Variants in IQCM observed in about 807,000 individuals in gnomAD.
IQCM encodes IQ domain-containing protein M.
In IQCM, 45 loss-of-function variants were observed where a neutral mutation model predicts 57.6. The ratio of observed to expected loss-of-function variants is 0.78; its 90% CI spans 0.62 to 1.00. IQCM has a LOEUF of 1.00. Ranked by LOEUF, IQCM falls within the 50% of genes least tolerant of loss-of-function variation. The pLI is 0.00. For missense variants in IQCM, 468 were observed against 511.6 expected, an observed-to-expected ratio of 0.91 and a Z score of 0.82; for synonymous variants, 148 against 158.9, an observed-to-expected ratio of 0.93 and a Z score of 0.51.
At chr4:149,419,284 A>T (rs1329001796) in intron 13 of IQCM, among the ~76,000 whole-genome samples, 3 of 152,076 alleles carry the variant, frequency 2.0e-5, no homozygotes, top group Non-Finnish European at 4.4e-5. Flanking sequence ...GTACTTGTAT[A>T]AAAACAGACA....
chr4:149,647,426 T>G (rs1480505118), intron 7 of IQCM, among the ~76,000 whole-genome samples: 1 of 152,084 alleles, frequency 6.6e-6, no homozygotes, highest in Non-Finnish European at 1.5e-5. Flanking sequence ...ATTTATCTAC[T>G]TTGTCTTTAT....
At chr4:149,727,360 A>G (rs1766044488) in intron 5 of IQCM, among the ~76,000 whole-genome samples, 1 of 152,116 alleles carries the variant, frequency 6.6e-6, no homozygotes, top group Non-Finnish European at 1.5e-5. Context: ...CTTCCAGTTC[A>G]TCAGGACTAA....
chr4:149,553,602 G>A (rs112929352), intron 10 of IQCM, among the ~76,000 whole-genome samples: 6 of 152,256 alleles, frequency 3.9e-5, no homozygotes, highest in African/African-American at 1.4e-4. Context: ...TGCCAGAAAC[G>A]ATGTAGTCTT....
chr4:149,473,680 G>T (rs1468685021), intron 12 of IQCM, among the ~76,000 whole-genome samples: 1 of 152,184 alleles, frequency 6.6e-6, no homozygotes, highest in Non-Finnish European at 1.5e-5. Flanking sequence ...GCACATGTAC[G>T]TTTATTATGG....
At position 149,789,035 on chromosome 4, in the gene IQCM, T is replaced by C. The variant is rs533342587; in HGVS notation, c.-49+26276A>G. 1.1e-4 allele frequency among the ~76,000 whole-genome samples: 17 copies of C among 152,270 alleles called. No homozygotes were observed. The South Asian group carries it at 3.1e-3, about 28-fold the overall frequency. On this transcript the variant is annotated intron_variant, in intron 2 of 13. Coordinates refer to ENST00000636793, the MANE Select transcript of IQCM (RefSeq NM_001363507.2). ...GAGGAGATGAAGAGAGGCTGGTTAA[T>C]GGGTACAAACATGCAGCTAGATAGA...
chr4:149,550,099 C>T (rs1212369609), intron 11 of IQCM, among the ~76,000 whole-genome samples: 1 of 152,258 alleles, frequency 6.6e-6, no homozygotes, highest in African/African-American at 2.4e-5. Flanking sequence ...CCTAAGGGCT[C>T]CCTCTGGCTA....
chr4:149,478,045 G>A (rs1012700827), intron 12 of IQCM, among the ~76,000 whole-genome samples: 73 of 152,238 alleles, frequency 4.8e-4, no homozygotes, highest in African/African-American at 1.7e-3. Context: ...ATCTCATGGG[G>A]TTGTTTTGTG....
chr4:149,707,529 G>A (rs1228365408), intron 5 of IQCM, among the ~76,000 whole-genome samples: 1 of 151,900 alleles, frequency 6.6e-6, no homozygotes, highest in Non-Finnish European at 1.5e-5. Context: ...CTTGAGGAAT[G>A]AAGTAACATC....
chr4:149,692,485 T>C (rs1457955723), intron 5 of IQCM, among the ~76,000 whole-genome samples: 1 of 152,172 alleles, frequency 6.6e-6, no homozygotes, highest in East Asian at 1.9e-4. Flanking sequence ...GAAAAAGATA[T>C]GTCTATTTTA....
intron 8 of IQCM, among the ~76,000 whole-genome samples, chr4:149,590,247 C>CTTTTTTTTTTTTTTTTTTTTTTTTTTT (rs71596214): frequency 1.1e-4 from 8 of 73,608 alleles, no homozygotes; most frequent in African/African-American, 2.2e-4. Flanking sequence ...TTTTTCTTTC[C>CTTTTTTTTTTTTTTTTTTTTTTTTTTT]TTTTTTTTTT....
At chr4:149,708,119 C>T (rs985751306) in intron 5 of IQCM, among the ~76,000 whole-genome samples, 1 of 151,988 alleles carries the variant, frequency 6.6e-6, no homozygotes, top group Non-Finnish European at 1.5e-5. Context: ...TTTATCTTCA[C>T]ACAGTCAGAA....
At chr4:149,463,260 A>G (rs1738499958) in intron 12 of IQCM, among the ~76,000 whole-genome samples, 1 of 152,202 alleles carries the variant, frequency 6.6e-6, no homozygotes, top group Non-Finnish European at 1.5e-5. Context: ...ATAAACAAGA[A>G]GAGTGCAGCT....
chr4:149,639,818 A>G (rs764414396), intron 7 of IQCM, among the ~76,000 whole-genome samples: 2 of 152,182 alleles, frequency 1.3e-5, no homozygotes, highest in East Asian at 3.9e-4. Flanking sequence ...AGTCCCAGCT[A>G]CTTGGAAGGC....
At chr4:149,569,152 C>G in intron 9 of IQCM, among the ~76,000 whole-genome samples, 1 of 152,156 alleles carries the variant, frequency 6.6e-6, no homozygotes, top group Non-Finnish European at 1.5e-5. Flanking sequence ...CAGGTCTGGA[C>G]CAGATCATCA....
intron 12 of IQCM, among the ~76,000 whole-genome samples, chr4:149,514,166 T>G (rs1412373170): frequency 2.0e-5 from 3 of 152,156 alleles, no homozygotes; most frequent in African/African-American, 7.2e-5. Context: ...AAATACAGAT[T>G]CCTAGTACTT....
chr4:149,789,423 G>C (rs1311696021), intron 2 of IQCM, among the ~76,000 whole-genome samples: 1 of 152,150 alleles, frequency 6.6e-6, no homozygotes, highest in Non-Finnish European at 1.5e-5. Flanking sequence ...ATTTAATAAA[G>C]TATAGTGACT....
At chr4:149,403,468 G>T (rs1028990558) in intron 13 of IQCM, among the ~76,000 whole-genome samples, 1 of 151,990 alleles carries the variant, frequency 6.6e-6, no homozygotes, top group South Asian at 2.1e-4. Flanking sequence ...ATTATCCATC[G>T]TAAAGATGCT....
At chr4:149,614,186 T>C (rs1015492488) in intron 8 of IQCM, among the ~76,000 whole-genome samples, 3 of 152,108 alleles carry the variant, frequency 2.0e-5, no homozygotes, top group Admixed American at 6.6e-5. Context: ...CCATAATATG[T>C]TCTTTGAAAA....
chr4:149,647,247 A>G (rs1436181250), intron 7 of IQCM, among the ~76,000 whole-genome samples: 1 of 152,196 alleles, frequency 6.6e-6, no homozygotes, highest in African/African-American at 2.4e-5. Flanking sequence ...ATGTTAATGC[A>G]TAGATAATTG....
Sources: allele counts gnomAD v4.1 joint callset (sites outside exome capture counted in the v4.1 genomes callset), GRCh38; gene constraint gnomAD v4.1.1; transcripts MANE v1.5; gene names NCBI Gene and HGNC (gene_info 2026-07-23, HGNC 2026-07-21).